Variants in DOCK1 observed in about 807,000 individuals in gnomAD.
DOCK1 encodes dedicator of cytokinesis protein 1.
DOCK1 carries 138 observed loss-of-function variants against 262.7 expected under a neutral mutation model. The observed-to-expected ratio is 0.53, with a 90% CI of 0.46 to 0.61. The LOEUF (loss-of-function observed/expected upper bound fraction) is 0.61, where lower values mean the gene tolerates loss of function less well. DOCK1 is among the 20% of genes least tolerant of loss of function. DOCK1 has a pLI of 0.00. For missense variants in DOCK1, 1,908 were observed against 2,370.7 expected (o/e 0.80, Z 4.05); for synonymous variants, 866 against 867.4 (o/e 1.00, Z 0.03).
intron 27 of DOCK1, among the ~76,000 whole-genome samples, chr10:127,246,228 A>G (rs140872503): frequency 1.3e-3 from 199 of 152,334 alleles, no homozygotes; most frequent in Middle Eastern, 3.4e-3. Context: ...TACCTGTCTT[A>G]TAGTCCTAGA....
intron 16 of DOCK1, among the ~76,000 whole-genome samples, chr10:127,029,617 CA>C (rs1036649582): frequency 3.3e-5 from 5 of 152,160 alleles, no homozygotes; most frequent in Admixed American, 6.5e-5. Flanking sequence ...ACCCACACTC[CA>C]GAACACACAA....
intron 27 of DOCK1, among the ~76,000 whole-genome samples, chr10:127,147,334 G>A (rs994049390): frequency 1.3e-5 from 2 of 152,106 alleles, no homozygotes; most frequent in African/African-American, 2.4e-5. Flanking sequence ...TGTTCCTAAC[G>A]CCGTAGCCTG....
At chr10:127,393,582 G>A (rs117819254) in intron 38 of DOCK1, among the ~76,000 whole-genome samples, 6,411 of 152,142 alleles carry the variant, frequency 0.042, 179 homozygotes, top group Middle Eastern at 0.082. Context: ...CCGGGAGAGT[G>A]GGCGGGGGCA....
intron 25 of DOCK1, among the ~76,000 whole-genome samples, chr10:127,122,627 C>T (rs2049670413): frequency 1.1e-5 from 1 of 90,614 alleles, no homozygotes; most frequent in African/African-American, 3.0e-5. Context: ...ATGGTTATAA[C>T]AATTTTTTTT....
At position 127,336,595 on chromosome 10, in the gene DOCK1, A is replaced by G. The variant is rs1321195352; in HGVS notation, c.3045-2411A>G. Among the ~76,000 whole-genome samples, 7 of 150,124 alleles carry G rather than the reference A, an allele frequency of 4.7e-5. No homozygotes were observed. In the East Asian group the frequency reaches 7.9e-4, roughly 17 times the overall value. ...CACTCTGTCACCCAGGCTGGAGTGCAGTGGCGCAATCCTGGCTCACTGCAA... is the reference window on the plus strand; with the variant it reads ...CACTCTGTCACCCAGGCTGGAGTGCGGTGGCGCAATCCTGGCTCACTGCAA... On this transcript the variant is annotated intron_variant, in intron 29 of 51. Transcript: ENST00000623213.
chr10:127,377,824 G>A (rs1023589914), intron 35 of DOCK1, among the ~76,000 whole-genome samples: 3 of 151,112 alleles, frequency 2.0e-5, no homozygotes, highest in East Asian at 1.9e-4. Flanking sequence ...CTCGGGAGGC[G>A]GAGGTTGCAG....
chr10:127,009,667 C>T (rs2041285539), intron 11 of DOCK1, among the ~76,000 whole-genome samples: 1 of 152,148 alleles, frequency 6.6e-6, no homozygotes, highest in South Asian at 2.1e-4. Context: ...TCACTTTTCC[C>T]TCATTTTTAT....
At chr10:127,198,141 A>C (rs2057299512) in intron 27 of DOCK1, among the ~76,000 whole-genome samples, 1 of 152,202 alleles carries the variant, frequency 6.6e-6, no homozygotes, top group East Asian at 1.9e-4. Context: ...TTGTGTGAGC[A>C]GTATGGAAAC....
chr10:127,117,589 T>G (rs1564815541), intron 25 of DOCK1, among the ~76,000 whole-genome samples: 1 of 152,230 alleles, frequency 6.6e-6, no homozygotes, highest in Non-Finnish European at 1.5e-5. Flanking sequence ...GACCTTTATC[T>G]GTGATCAAAT....
chr10:127,157,144 G>A (rs1170189906), intron 27 of DOCK1, among the ~76,000 whole-genome samples: 2 of 152,366 alleles, frequency 1.3e-5, no homozygotes, highest in East Asian at 3.9e-4. Context: ...AGGAAGTGTT[G>A]TGAAGCAGTA....
At chr10:127,412,701 A>G (rs982737643) in intron 43 of DOCK1, among the ~76,000 whole-genome samples, 4 of 152,098 alleles carry the variant, frequency 2.6e-5, no homozygotes, top group Non-Finnish European at 2.9e-5. Context: ...CTCCCTCCCA[A>G]TCCCTCAGGG....
chr10:126,957,523 TCACCCAGGCTTGACTGCAGTGG>T (rs2036847428), intron 1 of DOCK1, among the ~76,000 whole-genome samples: 1 of 152,162 alleles, frequency 6.6e-6, no homozygotes, highest in African/African-American at 2.4e-5. Flanking sequence ...TATCACTCTG[TCACCCAGGCTTGACTGCAGTGG>T]CACGGTCATA....
chr10:126,951,914 A>T (rs1009169591), intron 1 of DOCK1, among the ~76,000 whole-genome samples: 25 of 146,972 alleles, frequency 1.7e-4, no homozygotes, highest in African/African-American at 6.3e-4. Context: ...CAGTGGTGCG[A>T]TCTCGGCTCA....
chr10:126,996,667 G>C (rs1329530934), intron 6 of DOCK1, 81 bp from the exon 7 acceptor site: 1 of 1,386,516 alleles, frequency 7.2e-7, no homozygotes, highest in South Asian at 2.0e-5. Flanking sequence ...TACCTGCCCA[G>C]TTGCTGTGGT....
At chr10:127,196,588 C>T (rs991592175) in intron 27 of DOCK1, among the ~76,000 whole-genome samples, 9 of 145,978 alleles carry the variant, frequency 6.2e-5, no homozygotes, top group African/African-American at 2.2e-4. Flanking sequence ...GCGGGCGGAG[C>T]CCCGGGCCCC....
chr10:127,408,311 G>T (rs563649957), intron 40 of DOCK1, among the ~76,000 whole-genome samples: 1 of 152,294 alleles, frequency 6.6e-6, no homozygotes, highest in African/African-American at 2.4e-5. Flanking sequence ...ACCAAACCCA[G>T]CCCTTCCAAG....
At chr10:127,334,737 G>A (rs988069011) in intron 29 of DOCK1, among the ~76,000 whole-genome samples, 5 of 152,152 alleles carry the variant, frequency 3.3e-5, no homozygotes, top group Non-Finnish European at 5.9e-5. Flanking sequence ...TTTTAGGACA[G>A]CATTCCTGAA....
intron 25 of DOCK1, among the ~76,000 whole-genome samples, chr10:127,116,574 AT>A (rs1413046755): frequency 6.6e-6 from 1 of 152,166 alleles, no homozygotes; most frequent in Non-Finnish European, 1.5e-5. Context: ...TATGCCTTAA[AT>A]TATAGAAAAG....
chr10:126,981,907 T>TC lies in DOCK1; in HGVS notation c.172-9dup. 1 of 1,603,868 alleles carries TC rather than the reference T, an allele frequency of 6.2e-7. No individual in the cohort carries two copies. On this transcript the variant is annotated splice_polypyrimidine_tract_variant and intron_variant, in intron 3 of 51. Coordinates refer to ENST00000623213, the MANE Select transcript of DOCK1 (RefSeq NM_001290223.2). ...ATAATAAAAGCTACTGTTTTTTTTT[T>TC]CCTCCCAAAGGGTATATTTCCTGCT... is the stretch of plus-strand genomic sequence containing the variant.
Sources: allele counts gnomAD v4.1 joint callset (sites outside exome capture counted in the v4.1 genomes callset), GRCh38; gene constraint gnomAD v4.1.1; transcripts MANE v1.5; gene names NCBI Gene and HGNC (gene_info 2026-07-23, HGNC 2026-07-21).